Variants in ZFHX4 observed in about 807,000 individuals in gnomAD.
The protein encoded by ZFHX4 is zinc finger homeobox 4.
ZFHX4 carries 56 observed loss-of-function variants against 267.6 expected under a neutral mutation model. The ratio of observed to expected loss-of-function variants is 0.21; its 90% CI spans 0.17 to 0.26. The LOEUF is 0.26. ZFHX4 is among the 10% of genes least tolerant of loss of function. The pLI is 1.00. For synonymous variants in ZFHX4, 1,778 were observed against 1,665.6 expected, an observed-to-expected ratio of 1.07 and a Z score of -1.64; for missense variants, 4,332 against 4,420.0, an observed-to-expected ratio of 0.98 and a Z score of 0.56.
intron 3 of ZFHX4, among the ~76,000 whole-genome samples, chr8:76,731,855 A>ACATTATTAT (rs1486458089): frequency 9.1e-6 from 1 of 110,152 alleles, no homozygotes; most frequent in East Asian, 3.6e-4. Flanking sequence ...TTGGTGCCAC[A>ACATTATTAT]CATTATTATT....
intron 4 of ZFHX4, among the ~76,000 whole-genome samples, chr8:76,798,365 AATGT>A (rs1221127556): frequency 6.6e-6 from 1 of 152,140 alleles, no homozygotes; most frequent in African/African-American, 2.4e-5. Flanking sequence ...GAACCTCACT[AATGT>A]ATGTAAATTA....
rs1013233539 is a variant in ZFHX4, at chr8:76,691,821, G to A, written c.-47+10201G>A. Among the ~76,000 whole-genome samples the A allele has an allele frequency of 2.0e-5, 3 of 152,042 alleles. No homozygotes were observed. In the South Asian group the frequency reaches 6.2e-4, roughly 31 times the overall value. On this transcript the variant is annotated intron_variant, in intron 1 of 10. Transcript: ENST00000651372. ...GCAGGACCTGATAACTGATCCGTATGTTCCTTTTTTGTTTTTTCCCAATGG... is the reference window on the plus strand; with the variant it reads ...GCAGGACCTGATAACTGATCCGTATATTCCTTTTTTGTTTTTTCCCAATGG...
chr8:76,818,114 G>A (rs1476890419), intron 4 of ZFHX4, among the ~76,000 whole-genome samples: 1 of 152,192 alleles, frequency 6.6e-6, no homozygotes, highest in African/African-American at 2.4e-5. Flanking sequence ...TTCAAGTTCA[G>A]TAATGTTTAG....
At chr8:76,863,006 T>C (rs1056612200) in intron 10 of ZFHX4, 88 bp from the exon 11 acceptor site, 21 of 1,433,304 alleles carry the variant, frequency 1.5e-5, no homozygotes, top group Admixed American at 3.0e-5. Context: ...GCAATGTCCT[T>C]AGTGAGTTCT....
chr8:76,762,222 C>T (rs1011043847), intron 3 of ZFHX4, among the ~76,000 whole-genome samples: 1 of 151,974 alleles, frequency 6.6e-6, no homozygotes, highest in African/African-American at 2.4e-5. Context: ...GATATAGCCT[C>T]TTGGAGATTA....
rs1563556503 is a variant in ZFHX4, at chr8:76,849,147, C to T, written c.3645+19C>T. On this transcript the variant is annotated intron_variant, in intron 7 of 10. Coordinates refer to ENST00000651372, the MANE Select transcript of ZFHX4 (RefSeq NM_024721.5). Reference sequence around the variant, plus strand: ...TGAACAGGTAAATACTTTTTTTCCCCTTTACTGTGTAAATCTTTATTTTTT... The same window carrying T: ...TGAACAGGTAAATACTTTTTTTCCCTTTTACTGTGTAAATCTTTATTTTTT... 6.5e-7 allele frequency: 1 copy of T among 1,536,754 alleles called. No individual in the cohort carries two copies. The highest frequency in any genetic ancestry group is 2.5e-5 in the East Asian group (1 of 40,792).
At chr8:76,787,913 G>A (rs1023196732) in intron 4 of ZFHX4, among the ~76,000 whole-genome samples, 3 of 151,976 alleles carry the variant, frequency 2.0e-5, no homozygotes, top group Non-Finnish European at 2.9e-5. Flanking sequence ...GATGATAGCC[G>A]ACCTTTACTG....
intron 3 of ZFHX4, 123 bp downstream of exon 3, chr8:76,708,171 G>T: frequency 1.7e-6 from 2 of 1,204,614 alleles, no homozygotes; most frequent in Non-Finnish European, 2.4e-6. Context: ...AGGGCAGGGG[G>T]CACAGTTTCT....
intron 3 of ZFHX4, chr8:76,708,406 G>A (rs1808338305): frequency 4.4e-6 from 1 of 229,218 alleles, no homozygotes; most frequent in Non-Finnish European, 8.6e-6. Context: ...AAATGTAAAT[G>A]GTTACAGGGA....
chr8:76,689,787 T>C (rs1807779858), intron 1 of ZFHX4, among the ~76,000 whole-genome samples: 1 of 152,136 alleles, frequency 6.6e-6, no homozygotes, highest in Non-Finnish European at 1.5e-5. Flanking sequence ...AATCAAATAT[T>C]TGCCACTTTA....
intron 3 of ZFHX4, among the ~76,000 whole-genome samples, chr8:76,709,378 G>T (rs1808362102): frequency 6.6e-6 from 1 of 152,130 alleles, no homozygotes; most frequent in East Asian, 1.9e-4. Flanking sequence ...GAGATGGAAA[G>T]CTTCTAAGTT....
chr8:76,731,856 CATTATTATTATT>C lies in ZFHX4; in HGVS notation c.3093+23833_3093+23844del, dbSNP rs76950838. 1.7e-4 allele frequency among the ~76,000 whole-genome samples: 24 copies of C among 143,826 alleles called. No homozygotes were observed. In the South Asian group the frequency reaches 2.0e-3, roughly 12 times the overall value. 94.4% of individuals were successfully genotyped at this position (143,826 alleles called of 152,430 possible). On this transcript the variant is annotated intron_variant, in intron 3 of 10. Transcript: ENST00000651372. Reference sequence around the variant, plus strand: ...TTATGTGACAGTTGTTGGTGCCACACATTATTATTATTATTATTATTATTATTATTATTATTT... The same window carrying C: ...TTATGTGACAGTTGTTGGTGCCACACATTATTATTATTATTATTATTATTT...
chr8:76,829,162 T>G (rs558076089), intron 4 of ZFHX4, among the ~76,000 whole-genome samples: 7 of 152,112 alleles, frequency 4.6e-5, no homozygotes, highest in Admixed American at 2.6e-4. Context: ...TATCTGAATC[T>G]TATAATTCTC....
At chr8:76,786,188 G>A (rs557604331) in intron 4 of ZFHX4, among the ~76,000 whole-genome samples, 2 of 152,002 alleles carry the variant, frequency 1.3e-5, no homozygotes, top group South Asian at 2.1e-4. Context: ...AAATTAACAC[G>A]CTATAGAGAA....
At chr8:76,687,634 A>G (rs1807724497) in intron 1 of ZFHX4, among the ~76,000 whole-genome samples, 1 of 152,342 alleles carries the variant, frequency 6.6e-6, no homozygotes, top group Middle Eastern at 3.4e-3. Flanking sequence ...CCATTGGTTA[A>G]CATAATCATA....
intron 3 of ZFHX4, among the ~76,000 whole-genome samples, chr8:76,733,838 G>C (rs1809085878): frequency 6.6e-6 from 1 of 152,054 alleles, no homozygotes; most frequent in Non-Finnish European, 1.5e-5. Context: ...CATTTTTAAT[G>C]TTTTATGCCG....
At chr8:76,757,226 A>C (rs931503765) in intron 3 of ZFHX4, among the ~76,000 whole-genome samples, 1 of 152,204 alleles carries the variant, frequency 6.6e-6, no homozygotes, top group Non-Finnish European at 1.5e-5. Context: ...CCAGACAAAA[A>C]GAATTGCAAT....
At chr8:76,720,188 G>A (rs1053840952) in intron 3 of ZFHX4, among the ~76,000 whole-genome samples, 6 of 151,836 alleles carry the variant, frequency 4.0e-5, no homozygotes, top group African/African-American at 7.3e-5. Flanking sequence ...TCCCTTCTCC[G>A]GCCCTAGGCA....
At chr8:76,692,527 A>G (rs1051290543) in intron 1 of ZFHX4, among the ~76,000 whole-genome samples, 1 of 152,084 alleles carries the variant, frequency 6.6e-6, no homozygotes, top group Admixed American at 6.6e-5. Flanking sequence ...TTTTACAGCC[A>G]ACTTATGGGT....
Sources: allele counts gnomAD v4.1 joint callset (sites outside exome capture counted in the v4.1 genomes callset), GRCh38; gene constraint gnomAD v4.1.1; transcripts MANE v1.5; gene names NCBI Gene and HGNC (gene_info 2026-07-23, HGNC 2026-07-21).